The following CAVIN4 variants were observed in gnomAD, a reference collection of about 807,000 sequenced individuals.
CAVIN4 encodes the protein caveolae associated protein 4.
CAVIN4 carries 10 observed loss-of-function variants against 18.6 expected under a neutral mutation model. The ratio of observed to expected loss-of-function variants is 0.54; its 90% CI spans 0.33 to 0.91. The LOEUF (loss-of-function observed/expected upper bound fraction) is 0.91, where lower values mean the gene tolerates loss of function less well. CAVIN4 is among the 40% of genes least tolerant of loss of function. The pLI is 0.02. For synonymous variants in CAVIN4, 173 were observed against 164.8 expected (o/e 1.05, Z -0.38); for missense variants, 459 against 440.5 (o/e 1.04, Z -0.38).
At position 100,586,224 on chromosome 9, in the gene CAVIN4, A is replaced by G. The variant is rs876657509; in HGVS notation, c.868A>G (p.Arg290Gly). ...AGTGGCTGAAGGTGAGGAATGTGCC[A>G]GGGAGATGGGTGTGGACATCATTGC... ...RTVAEGEECA[R>G]EMGVDIIARS... Residue 290 changes from arginine to glycine, a missense_variant, in exon 2 of 2, where the codon AGG (arginine) becomes GGG (glycine). Physicochemically the swap from Arg to Gly is moderately radical, Grantham distance 125. Transcript: ENST00000307584. 1 of 1,564,000 alleles carries G rather than the reference A, an allele frequency of 6.4e-7. No homozygotes were observed. The highest frequency in any genetic ancestry group is 8.6e-7 in the Non-Finnish European group (1 of 1,156,556).
upstream of CAVIN4, chr9:100,577,982 C>A (rs985490129): frequency 6.2e-6 from 4 of 641,538 alleles, no homozygotes; most frequent in African/African-American, 7.3e-5. Context: ...GATTGCAGAA[C>A]AGTCACATAT....
At position 100,587,257 on chromosome 9, in the gene CAVIN4, T is replaced by C. The variant is rs1453959476; in HGVS notation, c.*806T>C. ...GTGACCACTTTTTCATCAGACTAAC[T>C]ATATCTTGGGTTTTAGTTGGGTCTC... On this transcript the variant is annotated 3_prime_UTR_variant, in exon 2 of 2. Coordinates refer to ENST00000307584, the MANE Select transcript of CAVIN4 (RefSeq NM_001018116.2). The C allele has an allele frequency of 6.6e-6, 1 of 152,228 alleles. No individual in the cohort carries two copies. The highest frequency in any genetic ancestry group is 2.4e-5 in the African/African-American group (1 of 41,462). The allele number at this position is 152,228 out of a possible 1,614,324, so 9.4% of individuals were successfully genotyped here. A position where few individuals can be genotyped will look rare whatever the true frequency, so the allele number is the denominator to read the frequency against.
intron 1 of CAVIN4, among the ~76,000 whole-genome samples, chr9:100,579,064 TA>T (rs768902133): frequency 2.0e-5 from 3 of 152,344 alleles, no homozygotes; most frequent in East Asian, 3.8e-4. Context: ...TTTTTACATA[TA>T]GATCACAATG....
Position 100,586,719 on chromosome 9 carries a change from A to T in CAVIN4, c.*268A>T. ...TGGTAAGGGCAACTTTGCGGCCGTC[A>T]TTTGCAGGAGAACTCTAAATATTGG... On this transcript the variant is annotated 3_prime_UTR_variant, in exon 2 of 2. Transcript: ENST00000307584. 3.4e-6 allele frequency: 1 copy of T among 291,644 alleles called. No homozygotes were observed. The allele number at this position is 291,644 out of a possible 1,614,324, so 18.1% of individuals were successfully genotyped here.
chr9:100,582,726 T>C (rs946766857), intron 1 of CAVIN4, among the ~76,000 whole-genome samples: 1 of 152,048 alleles, frequency 6.6e-6, no homozygotes, highest in African/African-American at 2.4e-5. Context: ...ATATCTGTCC[T>C]TTTTTTTCTT....
rs187746371 is a variant in CAVIN4 at position 100,584,416 on chromosome 9, C to T, written c.409-1349C>T. Among the ~76,000 whole-genome samples the T allele has an allele frequency of 1.9e-4, 29 of 152,304 alleles. 1 individual carries two copies. Among genetic ancestry groups the T allele is most frequent in the Admixed American group, 1.6e-3 (25 of 15,294 alleles). On this transcript the variant is annotated intron_variant, in intron 1 of 1. Transcript: ENST00000307584. ...AATAACTTTGTTGAAGGAAGGTATA[C>T]ACCTGTTTGATCCAATAATCATTTA...
intron 1 of CAVIN4, among the ~76,000 whole-genome samples, chr9:100,579,051 G>A (rs1301428436): frequency 1.3e-5 from 2 of 152,092 alleles, no homozygotes; most frequent in Non-Finnish European, 2.9e-5. Flanking sequence ...TTGTGTATTG[G>A]AATTTTTACA....
chr9:100,585,918 A>G lies in CAVIN4; in HGVS notation c.562A>G (p.Arg188Gly). Residue 188 changes from arginine to glycine, a missense_variant, in exon 2 of 2, where the codon AGG becomes GGG. Physicochemically the swap from Arg to Gly is moderately radical, Grantham distance 125. Transcript: ENST00000307584. ...TGAAGAAAGCAGATCTGCCAGGCTT[A>G]GGAAGTCAGGCAAGGAGCACATTGA... ...YVEESRSARL[R>G]KSGKEHIDNI... The G allele has an allele frequency of 5.0e-6, 8 of 1,614,196 alleles. No individual in the cohort carries two copies. Among genetic ancestry groups the G allele is most frequent in the Non-Finnish European group, 6.8e-6 (8 of 1,180,034 alleles).
upstream of CAVIN4, chr9:100,578,065 C>T: frequency 6.9e-7 from 1 of 1,459,826 alleles, no homozygotes; most frequent in Non-Finnish European, 9.5e-7. Flanking sequence ...AACCCTGTTG[C>T]CTGTTATCAA....
chr9:100,578,982 G>C (rs1429810698), intron 1 of CAVIN4, among the ~76,000 whole-genome samples: 2 of 152,080 alleles, frequency 1.3e-5, no homozygotes, highest in African/African-American at 4.8e-5. Flanking sequence ...GGTTTTTTCT[G>C]CTTATATGGA....
intron 1 of CAVIN4, 74 bp from the exon 2 acceptor site, chr9:100,585,691 A>G (rs1260684828): frequency 1.8e-6 from 2 of 1,115,054 alleles, no homozygotes; most frequent in African/African-American, 1.5e-5. Flanking sequence ...TTTACAAGGC[A>G]TGGCCAGAAG....
At position 100,583,632 on chromosome 9, in the gene CAVIN4, CA is replaced by C. The variant is rs1218884634; in HGVS notation, c.409-2132del. 2.2e-4 allele frequency among the ~76,000 whole-genome samples: 13 copies of C among 58,088 alleles called. 1 individual carries two copies. The highest frequency in any genetic ancestry group is 4.7e-4 in the Non-Finnish European group (11 of 23,228). 38.1% of individuals were successfully genotyped at this position (58,088 alleles called of 152,430 possible). ...CAAGCCATTTATTCATTCATTCATT[CA>C]TTCATTCATTCATTCATTCATTCAT... On this transcript the variant is annotated intron_variant, in intron 1 of 1. Coordinates refer to ENST00000307584, the MANE Select transcript of CAVIN4 (RefSeq NM_001018116.2).
chr9:100,579,942 C>T (rs1433024217), intron 1 of CAVIN4, among the ~76,000 whole-genome samples: 1 of 151,976 alleles, frequency 6.6e-6, no homozygotes, highest in Non-Finnish European at 1.5e-5. Context: ...TTTTTAAGAG[C>T]CTGTAGGTTA....
At chr9:100,584,569 CTTCAA>C (rs1230551246) in intron 1 of CAVIN4, among the ~76,000 whole-genome samples, 3 of 152,200 alleles carry the variant, frequency 2.0e-5, no homozygotes, top group Non-Finnish European at 4.4e-5. Context: ...TTGAGTAAAG[CTTCAA>C]TTCAAACTGT....
chr9:100,577,637 T>C (rs1257829567), upstream of CAVIN4: 1 of 152,746 alleles, frequency 6.5e-6, no homozygotes, highest in African/African-American at 2.4e-5. Flanking sequence ...TTTCACTATA[T>C]GGCCTCTGTT....
At chr9:100,584,915 C>T (rs1226455679) in intron 1 of CAVIN4, among the ~76,000 whole-genome samples, 1 of 152,104 alleles carries the variant, frequency 6.6e-6, no homozygotes, top group South Asian at 2.1e-4. Flanking sequence ...ACATCTTGTG[C>T]TTGAGGAATT....
At chr9:100,584,189 T>G (rs776424741) in intron 1 of CAVIN4, among the ~76,000 whole-genome samples, 37 of 152,226 alleles carry the variant, frequency 2.4e-4, no homozygotes, top group Non-Finnish European at 4.1e-4. Context: ...ACCACTGTAG[T>G]TCAAACAGCA....
At chr9:100,584,985 G>A (rs1366193913) in intron 1 of CAVIN4, among the ~76,000 whole-genome samples, 1 of 152,208 alleles carries the variant, frequency 6.6e-6, no homozygotes, top group Admixed American at 6.5e-5. Context: ...CTAAAGCTGA[G>A]GAGCCTTCTA....
At chr9:100,577,957 CT>C, upstream of CAVIN4, 1 of 579,906 alleles carries the variant, frequency 1.7e-6, no homozygotes, top group South Asian at 2.0e-5. Context: ...GTCCCCGGTG[CT>C]TTGCAAGGGT....
Sources: allele counts gnomAD v4.1 joint callset (sites outside exome capture counted in the v4.1 genomes callset), GRCh38; gene constraint gnomAD v4.1.1; transcripts MANE v1.5; gene names NCBI Gene and HGNC (gene_info 2026-07-23, HGNC 2026-07-21).